RGS6: variants seen among roughly 807,000 people sequenced by gnomAD.
RGS6 encodes the protein regulator of G protein signaling 6, also known as regulator of G-protein signaling 6.
In RGS6, 30 loss-of-function variants were observed where a neutral mutation model predicts 78.5. The observed-to-expected ratio is 0.38, with a 90% CI of 0.29 to 0.52. The LOEUF is 0.52. Ranked by LOEUF, RGS6 falls within the 20% of genes least tolerant of loss-of-function variation. The pLI is 0.85. For synonymous variants in RGS6, 206 were observed against 206.0 expected (o/e 1.00, Z 0.00); for missense variants, 495 against 609.7 (o/e 0.81, Z 1.98).
Position 72,151,957 on chromosome 14 carries a change from A to G in RGS6, c.84+187082A>G, listed in dbSNP as rs145683965. On this transcript the variant is annotated intron_variant, in intron 2 of 17. Coordinates refer to ENST00000553525, the MANE Select transcript of RGS6 (RefSeq NM_001204424.2). Reference sequence around the variant, plus strand: ...CAGGTTTTTAATGGAAGAAACATGAACTTGAAAATGAGTAAATATGGGCTA... The same window carrying G: ...CAGGTTTTTAATGGAAGAAACATGAGCTTGAAAATGAGTAAATATGGGCTA... 7.0e-3 allele frequency among the ~76,000 whole-genome samples: 1,067 copies of G among 152,300 alleles called. 30 individuals carry two copies. The highest frequency in any genetic ancestry group is 0.053 in the Admixed American group (811 of 15,296).
At chr14:72,136,211 C>T (rs376930569) in intron 2 of RGS6, among the ~76,000 whole-genome samples, 29 of 152,224 alleles carry the variant, frequency 1.9e-4, no homozygotes, top group African/African-American at 7.0e-4. Flanking sequence ...CTAATTTACA[C>T]TCCCACTATC....
chr14:72,584,666 C>T, the RGS6 span, among the ~76,000 whole-genome samples: 1 of 152,104 alleles, frequency 6.6e-6, no homozygotes, highest in Non-Finnish European at 1.5e-5. Flanking sequence ...CCAGCCTCTG[C>T]CATGGGATGA....
Position 71,943,507 on chromosome 14 carries a change from C to T in RGS6, c.-21+10566C>T, listed in dbSNP as rs113470136. On this transcript the variant is annotated intron_variant, in intron 1 of 17. Transcript: ENST00000553525. ...GTTAGTCAAGCATTTGATGGACTCC[C>T]AAGTCTCTGAGAATCCTGCTCCATA... is the stretch of plus-strand genomic sequence containing the variant. Among the ~76,000 whole-genome samples the T allele has an allele frequency of 6.8e-3, 1,031 of 152,230 alleles. 11 individuals carry two copies. The highest frequency in any genetic ancestry group is 0.024 in the African/African-American group (988 of 41,522).
chr14:72,400,300 T>C (rs2092220924), intron 3 of RGS6, among the ~76,000 whole-genome samples: 1 of 152,220 alleles, frequency 6.6e-6, no homozygotes, highest in Non-Finnish European at 1.5e-5. Flanking sequence ...AAAGAGATTA[T>C]GAAAGCTATT....
intron 2 of RGS6, among the ~76,000 whole-genome samples, chr14:72,299,785 G>C (rs2065659001): frequency 6.6e-6 from 1 of 152,060 alleles, no homozygotes; most frequent in South Asian, 2.1e-4. Flanking sequence ...TATCTTTCTT[G>C]GGGAAATATC....
At chr14:72,051,826 A>G (rs892575177) in intron 2 of RGS6, among the ~76,000 whole-genome samples, 2 of 152,172 alleles carry the variant, frequency 1.3e-5, no homozygotes. Flanking sequence ...AAGGCTGCTG[A>G]TTTTCCCAAC....
At chr14:72,023,624 A>G (rs1340628123) in intron 2 of RGS6, among the ~76,000 whole-genome samples, 1 of 152,234 alleles carries the variant, frequency 6.6e-6, no homozygotes, top group Non-Finnish European at 1.5e-5. Flanking sequence ...GCATTAGAAT[A>G]AAAAGAGAAA....
intron 5 of RGS6, among the ~76,000 whole-genome samples, 184 bp from the exon 6 acceptor site, chr14:72,459,448 T>C (rs1284455372): frequency 6.6e-6 from 1 of 152,232 alleles, no homozygotes; most frequent in Non-Finnish European, 1.5e-5. Context: ...ATTTTGCTTC[T>C]CAATGCCTAG....
At chr14:72,419,138 T>C (rs1297292405) in intron 3 of RGS6, among the ~76,000 whole-genome samples, 1 of 152,198 alleles carries the variant, frequency 6.6e-6, no homozygotes, top group Non-Finnish European at 1.5e-5. Flanking sequence ...TTCTTACCAT[T>C]AGAGAAGGAT....
At chr14:72,370,103 AGCCTACTC>A (rs1455499963) in intron 3 of RGS6, among the ~76,000 whole-genome samples, 1 of 152,022 alleles carries the variant, frequency 6.6e-6, no homozygotes, top group African/African-American at 2.4e-5. Flanking sequence ...ATGGTAGACT[AGCCTACTC>A]AGACCAACTG....
chr14:72,416,734 C>G (rs1040787184), intron 3 of RGS6, among the ~76,000 whole-genome samples: 1 of 152,176 alleles, frequency 6.6e-6, no homozygotes, highest in Non-Finnish European at 1.5e-5. Flanking sequence ...GGAACAAGAA[C>G]CTGTCTCTCT....
intron 2 of RGS6, among the ~76,000 whole-genome samples, chr14:72,319,201 A>G (rs1244162335): frequency 6.6e-6 from 1 of 152,206 alleles, no homozygotes; most frequent in Non-Finnish European, 1.5e-5. Context: ...CCAACAGACA[A>G]ATCAAAAGAT....
chr14:72,366,942 G>A (rs2082558697), intron 3 of RGS6, among the ~76,000 whole-genome samples: 1 of 152,182 alleles, frequency 6.6e-6, no homozygotes, highest in Non-Finnish European at 1.5e-5. Flanking sequence ...CAGGGACTTT[G>A]GAGATTTATT....
chr14:71,996,549 G>A (rs917482275), intron 2 of RGS6, among the ~76,000 whole-genome samples: 1 of 152,094 alleles, frequency 6.6e-6, no homozygotes, highest in Non-Finnish European at 1.5e-5. Context: ...GGGACTGGGG[G>A]CAACTGGGGG....
intron 3 of RGS6, among the ~76,000 whole-genome samples, chr14:72,374,513 G>A (rs1480253976): frequency 6.6e-6 from 1 of 152,158 alleles, no homozygotes; most frequent in East Asian, 1.9e-4. Flanking sequence ...GGAATACTAT[G>A]CAGCCATAAA....
rs1438107254 is a variant in RGS6 at position 72,458,387 on chromosome 14, C to T, written c.342+10C>T. 6.3e-7 allele frequency: 1 copy of T among 1,590,910 alleles called. No homozygotes were observed. The highest frequency in any genetic ancestry group is 8.6e-7 in the Non-Finnish European group (1 of 1,159,174). On this transcript the variant is annotated intron_variant, in intron 5 of 17. Coordinates refer to ENST00000553525, the MANE Select transcript of RGS6 (RefSeq NM_001204424.2). ...CTTTTATCGTTTCCAGGTAAGCCTG[C>T]TGGCTCCTCCTCCTGAAGAACCTTT...
intron 2 of RGS6, among the ~76,000 whole-genome samples, chr14:72,057,932 C>T (rs557765224): frequency 6.6e-6 from 1 of 152,236 alleles, no homozygotes; most frequent in African/African-American, 2.4e-5. Context: ...GTGCTAGCCT[C>T]TGTTTTGAAT....
At chr14:72,151,732 A>G (rs1318903944) in intron 2 of RGS6, among the ~76,000 whole-genome samples, 1 of 152,136 alleles carries the variant, frequency 6.6e-6, no homozygotes, top group Non-Finnish European at 1.5e-5. Flanking sequence ...CTTGATTTTT[A>G]TTCTCCTAAA....
chr14:72,530,230 T>C (rs1296181824), intron 15 of RGS6, among the ~76,000 whole-genome samples: 1 of 152,174 alleles, frequency 6.6e-6, no homozygotes, highest in African/African-American at 2.4e-5. Flanking sequence ...CAGGGAACTG[T>C]TGCTTTGGAG....
Sources: gnomAD v4.1 joint callset for allele counts (sites outside exome capture counted in the v4.1 genomes callset) on GRCh38, gnomAD v4.1.1 for gene constraint, MANE v1.5 for transcripts, NCBI Gene and HGNC (gene_info 2026-07-23, HGNC 2026-07-21) for gene names.